The following ZZEF1 variants were observed in gnomAD, a reference collection of about 807,000 sequenced individuals.
ZZEF1 encodes the protein zinc finger ZZ-type and EF-hand domain containing 1, also known as zinc finger ZZ-type and EF-hand domain-containing protein 1.
In ZZEF1, 157 loss-of-function variants were observed where a neutral mutation model predicts 342.8. That is an observed-to-expected ratio of 0.46 (90% CI 0.40 to 0.52). The LOEUF (loss-of-function observed/expected upper bound fraction) is 0.52, where lower values mean the gene tolerates loss of function less well. Ranked by LOEUF, ZZEF1 falls within the 20% of genes least tolerant of loss-of-function variation. The probability of loss-of-function intolerance (pLI) is 0.00; values close to 1 mark genes in which losing one functional copy is unlikely to be tolerated. For missense variants in ZZEF1, 3,480 were observed against 3,725.6 expected (o/e 0.93, Z 1.72); for synonymous variants, 1,505 against 1,429.1 (o/e 1.05, Z -1.20).
Position 4,032,831 on chromosome 17 carries a change from GGGGAAGCCAAC to G in ZZEF1, c.6745_6755del (p.Val2249ProfsTer14). Reference sequence around the variant, plus strand: ...TCAGGCCTTCAGAGTGTGGTACCTGGGGGAAGCCAACCAGCACGAGCAGGGTGAAGATGTTG... The same window carrying G: ...TCAGGCCTTCAGAGTGTGGTACCTGGCAGCACGAGCAGGGTGAAGATGTTG... On this transcript the variant is annotated frameshift_variant, in exon 41 of 55. Transcript: ENST00000381638. LOFTEE classifies it high-confidence loss of function. The G allele has an allele frequency of 6.2e-7, 1 of 1,613,974 alleles. No homozygotes were observed. Among genetic ancestry groups the G allele is most frequent in the Non-Finnish European group, 8.5e-7 (1 of 1,179,862 alleles).
intron 1 of ZZEF1, among the ~76,000 whole-genome samples, chr17:4,139,090 T>C (rs919695267): frequency 1.5e-5 from 2 of 131,038 alleles, no homozygotes; most frequent in South Asian, 4.6e-4. Flanking sequence ...AGAAGAAACA[T>C]GTAACACTTG....
chr17:4,126,890 C>T (rs2058581574), intron 1 of ZZEF1, among the ~76,000 whole-genome samples: 2 of 152,228 alleles, frequency 1.3e-5, no homozygotes, highest in South Asian at 4.1e-4. Context: ...TCACTTGAAC[C>T]CAGGAGGTGG....
At chr17:4,107,402 G>A (rs1377182369) in intron 6 of ZZEF1, among the ~76,000 whole-genome samples, 1 of 152,168 alleles carries the variant, frequency 6.6e-6, no homozygotes, top group African/African-American at 2.4e-5. Context: ...TGGGGAGTAA[G>A]GGGGAGTCGT....
chr17:4,077,041 G>A, intron 19 of ZZEF1, 52 bp from the exon 20 acceptor site: 2 of 1,499,650 alleles, frequency 1.3e-6, no homozygotes, highest in Non-Finnish European at 8.9e-7. Flanking sequence ...AATGTCACAT[G>A]CTTGGTTATC....
In ZZEF1 at chr17:4,058,534, A is replaced by G. The variant is rs559008112; in HGVS notation, c.5004-379T>C. Among the ~76,000 whole-genome samples the G allele has an allele frequency of 3.3e-5, 5 of 152,356 alleles. No individual in the cohort carries two copies. In the South Asian group the frequency reaches 1.0e-3, roughly 32 times the overall value. ...AGGCTTATGTCTAAACCATTTACTAAGAGGACTGGGAAATGGCTTTATACT... is the reference window on the plus strand; with the variant it reads ...AGGCTTATGTCTAAACCATTTACTAGGAGGACTGGGAAATGGCTTTATACT... On this transcript the variant is annotated intron_variant, in intron 31 of 54. Coordinates refer to ENST00000381638, the MANE Select transcript of ZZEF1 (RefSeq NM_015113.4).
Position 4,128,927 on chromosome 17 carries a change from C to T in ZZEF1, c.355-4876G>A, listed in dbSNP as rs557528813. ...GGGATTACAAGCATGCGCCACCACG[C>T]CCAGCTAATTTTTGCGTTTTTAGTA... On this transcript the variant is annotated intron_variant, in intron 1 of 54. Transcript: ENST00000381638. Among the ~76,000 whole-genome samples, 34 of 151,450 alleles carry T rather than the reference C, an allele frequency of 2.2e-4. 2 individuals are homozygous for T. In the South Asian group the frequency reaches 6.0e-3, roughly 27 times the overall value.
Position 4,034,095 on chromosome 17 carries a change from A to G in ZZEF1, c.6504T>C (p.Ala2168=), listed in dbSNP as rs757037111. ...CTGGCACAATGGAACTGTCCCCTGC[A>G]GCAAACAGGTTGTGTTTGGCTGAGA... is the stretch of plus-strand genomic sequence containing the variant. ...KVLSAKHNLF[A]AGDSSIVPDG... is the part of the protein sequence containing the mutation. Residue 2168 remains alanine (A), a synonymous_variant, in exon 40 of 55, where the codon GCT becomes GCC. Transcript: ENST00000381638. 2 of 1,614,244 alleles carry G rather than the reference A, an allele frequency of 1.2e-6. No homozygotes were observed. The highest frequency in any genetic ancestry group is 1.7e-6 in the Non-Finnish European group (2 of 1,180,042).
At chr17:4,012,948 CAATAGAGGAATATA>C (rs1437923522) in intron 52 of ZZEF1, among the ~76,000 whole-genome samples, 2 of 151,984 alleles carry the variant, frequency 1.3e-5, no homozygotes, top group African/African-American at 4.8e-5. Context: ...AAGACCTAAA[CAATAGAGGAATATA>C]AATAGAGGAA....
intron 18 of ZZEF1, among the ~76,000 whole-genome samples, chr17:4,078,277 C>T (rs935360896): frequency 3.9e-5 from 6 of 152,148 alleles, no homozygotes; most frequent in Admixed American, 1.3e-4. Flanking sequence ...ATGACATCTC[C>T]TTCTACCACC....
At chr17:4,135,853 A>G (rs764938381) in intron 1 of ZZEF1, among the ~76,000 whole-genome samples, 33 of 151,432 alleles carry the variant, frequency 2.2e-4, no homozygotes, top group Non-Finnish European at 3.7e-4. Flanking sequence ...TAAACCTCAG[A>G]ACAAGTGCTT....
intron 37 of ZZEF1, among the ~76,000 whole-genome samples, chr17:4,047,771 C>G (rs2056954391): frequency 1.3e-5 from 2 of 150,968 alleles, no homozygotes; most frequent in South Asian, 4.2e-4. Flanking sequence ...TGAAACCCGT[C>G]TCTACTAAAA....
intron 4 of ZZEF1, among the ~76,000 whole-genome samples, chr17:4,113,846 GCCTAAAT>G (rs2058352799): frequency 6.6e-6 from 1 of 151,470 alleles, no homozygotes. Flanking sequence ...GGTGGTGCCT[GCCTAAAT>G]CCCAGCGACT....
chr17:4,024,198 T>TTTTTTTG (rs1567770269), intron 43 of ZZEF1, among the ~76,000 whole-genome samples: 1 of 141,430 alleles, frequency 7.1e-6, no homozygotes, highest in Non-Finnish European at 1.5e-5. Flanking sequence ...TTTTTTTTTT[T>TTTTTTTG]TTTTTTTTTT....
At chr17:4,103,656 G>A (rs73318791) in intron 8 of ZZEF1, among the ~76,000 whole-genome samples, 91 of 152,258 alleles carry the variant, frequency 6.0e-4, no homozygotes, top group African/African-American at 2.0e-3. Flanking sequence ...GGTGGCTCAC[G>A]CCTGCAGTCC....
At chr17:4,069,558 G>A (rs1419905563) in intron 26 of ZZEF1, among the ~76,000 whole-genome samples, 1 of 152,174 alleles carries the variant, frequency 6.6e-6, no homozygotes, top group East Asian at 1.9e-4. Context: ...GAGGCTGGGC[G>A]CGGTACTCAC....
At chr17:4,066,372 G>T in intron 28 of ZZEF1, 75 bp downstream of exon 28, 1 of 1,253,404 alleles carries the variant, frequency 8.0e-7, no homozygotes, top group Non-Finnish European at 1.2e-6. Flanking sequence ...AATCTAGAAG[G>T]TGAGTAATTG....
intron 3 of ZZEF1, among the ~76,000 whole-genome samples, chr17:4,114,733 A>G (rs568992631): frequency 6.6e-6 from 1 of 152,204 alleles, no homozygotes; most frequent in East Asian, 1.9e-4. Flanking sequence ...CTTCCAAAGA[A>G]CCCAGTGGCC....
Position 4,050,790 on chromosome 17 carries a change from G to C in ZZEF1, c.5854C>G (p.Gln1952Glu). Residue 1952 changes from glutamine to glutamate, a missense_variant, in exon 36 of 55, where the codon CAG becomes GAG. Physicochemically the swap from Gln to Glu is conservative, Grantham distance 29. This residue lies in a region of ZZEF1 where 1,269 missense variants were observed against 1,342.4 expected (regional missense o/e 0.95). Transcript: ENST00000381638. Reference protein sequence around the residue: ...LVGDCLMKAHQGKGLKALALL... With the variant: ...LVGDCLMKAHEGKGLKALALL... ...TGCATTGGGAAGTCACCTTTTCCCT[G>C]ATGAGCCTTCATCAGACAGTCCCCG... 1 of 1,613,842 alleles carries C rather than the reference G, an allele frequency of 6.2e-7. No homozygotes were observed. The highest frequency in any genetic ancestry group is 1.3e-5 in the African/African-American group (1 of 75,048).
In ZZEF1 at chr17:4,032,242, GT is replaced by G; in HGVS notation, c.6775del (p.Thr2259ProfsTer15). The G allele has an allele frequency of 6.2e-7, 1 of 1,612,780 alleles. No individual in the cohort carries two copies. On this transcript the variant is annotated frameshift_variant, in exon 42 of 55. Transcript: ENST00000381638. LOFTEE classifies it high-confidence loss of function. ...GGCATTATCCATATAAACGCAGCGG[GT>G]TCCCACACAGAGGACCTAGAACGTG... ...VGFPQVLCVGTRCVYMDNANE... is the reference protein window; with the variant it reads ...VGFPQVLCVGXRCVYMDNANE...
Sources: gnomAD v4.1 joint callset for allele counts (sites outside exome capture counted in the v4.1 genomes callset) on GRCh38, gnomAD v4.1.1 for gene constraint, gnomAD v4.1.1 regional missense constraint, MANE v1.5 for transcripts, NCBI Gene and HGNC (gene_info 2026-07-23, HGNC 2026-07-21) for gene names.